Variants in IL17RA observed in about 807,000 individuals in gnomAD.
IL17RA encodes the protein interleukin 17 receptor A.
In IL17RA, 34 loss-of-function variants were observed where a neutral mutation model predicts 50.4. The ratio of observed to expected loss-of-function variants is 0.67; its 90% CI spans 0.51 to 0.90. The LOEUF is 0.90. Ranked by LOEUF, IL17RA falls within the 40% of genes least tolerant of loss-of-function variation. The pLI is 0.00. For synonymous variants in IL17RA, 585 were observed against 510.4 expected (o/e 1.15, Z -1.97); for missense variants, 1,276 against 1,169.8 (o/e 1.09, Z -1.32).
rs771994053 is a variant in IL17RA at position 17,105,990 on chromosome 22, C to A, written c.1045+36C>A. 3 of 1,517,916 alleles carry A rather than the reference C, an allele frequency of 2.0e-6. No homozygotes were observed. In the Admixed American group the frequency reaches 5.1e-5, roughly 26 times the overall value. The allele number at this position is 1,517,916 out of a possible 1,614,324, so 94.0% of individuals were successfully genotyped here. ...GGGCTCTGGCTGTCCTGGAGTCAGG[C>A]TCTAATACCAGCACCACCACTCACT... On this transcript the variant is annotated intron_variant, in intron 11 of 12. Transcript: ENST00000319363.
intron 1 of IL17RA, among the ~76,000 whole-genome samples, chr22:17,089,849 A>C (rs759792238): frequency 1.3e-5 from 2 of 151,822 alleles, no homozygotes; most frequent in African/African-American, 4.9e-5. Context: ...TGACAGAGTG[A>C]GACCCTGTCT....
At chr22:17,087,893 C>T (rs1204626591) in intron 1 of IL17RA, among the ~76,000 whole-genome samples, 8 of 152,056 alleles carry the variant, frequency 5.3e-5, no homozygotes, top group Admixed American at 4.6e-4. Flanking sequence ...TTTTCCTGAG[C>T]GTTTGCGGTT....
In IL17RA at chr22:17,108,788, C is replaced by T. The variant is rs1354116333; in HGVS notation, c.1569C>T (p.Tyr523=). The stretch of plus-strand genomic sequence containing the variant: ...ACCTGTTCGGCGCGGCGCCGCGGTA[C>T]CCGCTCATGGACAGGTTCGAGGAGG... ...VPDLFGAAPR[Y]PLMDRFEEVY... Residue 523 remains tyrosine (Y), a synonymous_variant, in exon 13 of 13, where the codon TAC becomes TAT. Transcript: ENST00000319363. 9 of 1,608,142 alleles carry T rather than the reference C, an allele frequency of 5.6e-6. No homozygotes were observed. Among genetic ancestry groups the T allele is most frequent in the Non-Finnish European group, 7.6e-6 (9 of 1,177,466 alleles).
chr22:17,097,703 G>C, intron 2 of IL17RA, 94 bp from the exon 3 acceptor site: 2 of 1,513,226 alleles, frequency 1.3e-6, no homozygotes, highest in African/African-American at 1.4e-5. Flanking sequence ...GCGGGCCCCT[G>C]AGCTGTTTGC....
chr22:17,101,436 T>G (rs754141441), intron 5 of IL17RA, among the ~76,000 whole-genome samples: 5 of 152,234 alleles, frequency 3.3e-5, no homozygotes, highest in Admixed American at 1.3e-4. Context: ...TGGTACTGCA[T>G]GCTGTGTGTT....
At chr22:17,098,016 A>T (rs1601341127) in intron 3 of IL17RA, 73 bp downstream of exon 3, 1 of 1,583,836 alleles carries the variant, frequency 6.3e-7, no homozygotes, top group East Asian at 2.2e-5. Flanking sequence ...CAGGCTCAGG[A>T]TTGGGCTCCC....
intron 10 of IL17RA, 78 bp downstream of exon 10, chr22:17,105,680 T>C: frequency 6.6e-7 from 1 of 1,510,658 alleles, no homozygotes; most frequent in Non-Finnish European, 9.2e-7. Context: ...AGTCCCTGCC[T>C]CAGCCAGGCA....
At position 17,109,549 on chromosome 22, in the gene IL17RA, A is replaced by G. The variant is rs544657320; in HGVS notation, c.2330A>G (p.Asp777Gly). 1.9e-6 allele frequency: 3 copies of G among 1,600,302 alleles called. No individual in the cohort carries two copies. The highest frequency in any genetic ancestry group is 4.5e-5 in the East Asian group (2 of 44,336). ...AGTAGACCCGCCATGGTCCTCACAG[A>G]CCCACACACGCCCTACGAGGAGGAG... ...GCSRPAMVLT[D>G]PHTPYEEEQR... Residue 777 changes from aspartate (D) to glycine (G), a missense_variant, in exon 13 of 13, where the codon GAC becomes GGC. Physicochemically the swap from Asp to Gly is moderately conservative, Grantham distance 94. Transcript: ENST00000319363.
Position 17,115,604 on chromosome 22 carries a change from T to C in IL17RA, c.*5784T>C, listed in dbSNP as rs1462102038. On this transcript the variant is annotated 3_prime_UTR_variant, in exon 13 of 13. Transcript: ENST00000319363. Reference sequence around the variant, plus strand: ...TGTGCTAAGAAAAAAAAAAAATCACTGTGTGTTTGTTTATTTTGGTGCAGG... The same window carrying C: ...TGTGCTAAGAAAAAAAAAAAATCACCGTGTGTTTGTTTATTTTGGTGCAGG... 2 of 151,292 alleles carry C rather than the reference T, an allele frequency of 1.3e-5. No homozygotes were observed. The highest frequency in any genetic ancestry group is 1.9e-4 in the East Asian group (1 of 5,152). The allele number at this position is 151,292 out of a possible 1,614,324, so 9.4% of individuals were successfully genotyped here.
chr22:17,099,155 C>T lies in IL17RA; in HGVS notation c.423+268C>T, dbSNP rs367664469. Among the ~76,000 whole-genome samples, 111 of 152,316 alleles carry T rather than the reference C, an allele frequency of 7.3e-4. 1 individual carries two copies. In the South Asian group the frequency reaches 0.013, roughly 18 times the overall value. On this transcript the variant is annotated intron_variant, in intron 4 of 12. Transcript: ENST00000319363. Reference sequence around the variant, plus strand: ...TTTCTTCCCACTTTACCTAGCTATTCGTTCGGAAAGGAAGTTGAATTGGAA... The same window carrying T: ...TTTCTTCCCACTTTACCTAGCTATTTGTTCGGAAAGGAAGTTGAATTGGAA...
At chr22:17,086,241 C>T (rs1013697085) in intron 1 of IL17RA, among the ~76,000 whole-genome samples, 2 of 152,158 alleles carry the variant, frequency 1.3e-5, no homozygotes, top group African/African-American at 2.4e-5. Flanking sequence ...CCACCTCCAC[C>T]TCCACCGCTG....
Position 17,109,099 on chromosome 22 carries a change from C to G in IL17RA, c.1880C>G (p.Pro627Arg). 1 of 1,561,880 alleles carries G rather than the reference C, an allele frequency of 6.4e-7. No individual in the cohort carries two copies. Among genetic ancestry groups the G allele is most frequent in the East Asian group, 2.3e-5 (1 of 43,270 alleles). ...IVKRAPLVRE[P>R]GSQACLAIDP... is the part of the protein sequence containing the mutation. ...AAGCGGGCGCCCCTGGTGCGCGAGCCTGGCTCCCAGGCCTGCCTGGCCATA... is the reference window on the plus strand; with the variant it reads ...AAGCGGGCGCCCCTGGTGCGCGAGCGTGGCTCCCAGGCCTGCCTGGCCATA... The change falls in exon 13 of 13, where the codon CCT becomes CGT. Residue 627 changes from proline (P) to arginine (R), a missense_variant. Transcript: ENST00000319363.
chr22:17,085,234 G>T lies in IL17RA; in HGVS notation c.138+5G>T, dbSNP rs780185426. The T allele has an allele frequency of 1.3e-6, 2 of 1,538,572 alleles. No homozygotes were observed. Among genetic ancestry groups the T allele is most frequent in the South Asian group, 2.4e-5 (2 of 83,462 alleles). ...GCGCTGGTCTGCTCCCAGCCGGTGA[G>T]ACTCGACGTGGGGAGCGGTAGCCGC... On this transcript the variant is annotated splice_donor_5th_base_variant and intron_variant, in intron 1 of 12. Coordinates refer to ENST00000319363, the MANE Select transcript of IL17RA (RefSeq NM_014339.7).
Position 17,113,105 on chromosome 22 carries a change from G to A in IL17RA, c.*3285G>A, listed in dbSNP as rs1355476363. ...TTAGGGTCTAAAAAGGGTGGTGTTC[G>A]GTCTCTGAAACATCCATTCAGCAGT... On this transcript the variant is annotated 3_prime_UTR_variant, in exon 13 of 13. Coordinates refer to ENST00000319363, the MANE Select transcript of IL17RA (RefSeq NM_014339.7). 3.3e-5 allele frequency: 5 copies of A among 151,930 alleles called. No individual in the cohort carries two copies. The highest frequency in any genetic ancestry group is 5.9e-5 in the Non-Finnish European group (4 of 68,010). 9.4% of individuals were successfully genotyped at this position (151,930 alleles called of 1,614,324 possible).
Position 17,085,112 on chromosome 22 carries a change from G to A in IL17RA, c.21G>A (p.Pro7=). ...GGGCCATGGGGGCCGCACGCAGCCC[G>A]CCGTCCGCTGTCCCGGGGCCCCTGC... MGAARS[P]PSAVPGPLLG... is the part of the protein sequence containing the mutation. The change falls in exon 1 of 13, where the codon CCG becomes CCA. Residue 7 remains proline, a synonymous_variant. Coordinates refer to ENST00000319363, the MANE Select transcript of IL17RA (RefSeq NM_014339.7). 1 of 1,377,552 alleles carries A rather than the reference G, an allele frequency of 7.3e-7. No individual in the cohort carries two copies. Among genetic ancestry groups the A allele is most frequent in the Non-Finnish European group, 9.4e-7 (1 of 1,065,772 alleles). The allele number at this position is 1,377,552 out of a possible 1,614,324, so 85.3% of individuals were successfully genotyped here.
At chr22:17,094,675 C>CTATATATATATATGTGTATATATATA (rs1568917420) in intron 1 of IL17RA, among the ~76,000 whole-genome samples, 1 of 49,336 alleles carries the variant, frequency 2.0e-5, no homozygotes, top group Non-Finnish European at 3.9e-5. Context: ...CTCTCTCTCT[C>CTATATATATATATGTGTATATATATA]TCTCTCTCTC....
chr22:17,088,864 C>G (rs2061337985), intron 1 of IL17RA, among the ~76,000 whole-genome samples: 1 of 151,850 alleles, frequency 6.6e-6, no homozygotes, highest in African/African-American at 2.4e-5. Flanking sequence ...GGTGCGATCT[C>G]AGCTCACTGC....
chr22:17,090,567 G>C (rs565077201), intron 1 of IL17RA, among the ~76,000 whole-genome samples: 15 of 152,126 alleles, frequency 9.9e-5, no homozygotes, highest in Non-Finnish European at 2.2e-4. Context: ...GATTCCTTTA[G>C]TTAATTCTTC....
chr22:17,085,273 A>G (rs964045492), intron 1 of IL17RA, 44 bp downstream of exon 1: 5 of 1,533,774 alleles, frequency 3.3e-6, no homozygotes, highest in Non-Finnish European at 4.4e-6. Flanking sequence ...GATGCTGCGG[A>G]CGCGGGGCAA....
Sources: allele counts gnomAD v4.1 joint callset (sites outside exome capture counted in the v4.1 genomes callset), GRCh38; gene constraint gnomAD v4.1.1; transcripts MANE v1.5; gene names NCBI Gene and HGNC (gene_info 2026-07-23, HGNC 2026-07-21).